The following SH3RF3 variants were observed in gnomAD, a reference collection of about 807,000 sequenced individuals.
SH3RF3 encodes the protein SH3 domain containing ring finger 3.
A neutral mutation model predicts 66.3 loss-of-function variants in SH3RF3; 29 were observed. That is an observed-to-expected ratio of 0.44 (90% CI 0.33 to 0.60). The LOEUF (loss-of-function observed/expected upper bound fraction) is 0.60, where lower values mean the gene tolerates loss of function less well. Among genes scored for constraint, SH3RF3 ranks in the 20% least tolerant of loss-of-function variants. The pLI is 0.04. For synonymous variants in SH3RF3, 583 were observed against 532.0 expected, an observed-to-expected ratio of 1.10 and a Z score of -1.32; for missense variants, 1,194 against 1,190.9, an observed-to-expected ratio of 1.00 and a Z score of -0.04.
chr2:109,365,105 A>G (rs1683130401), intron 2 of SH3RF3, among the ~76,000 whole-genome samples: 1 of 152,072 alleles, frequency 6.6e-6, no homozygotes, highest in Non-Finnish European at 1.5e-5. Flanking sequence ...GGCTGTGGTT[A>G]ACTAGTTTAT....
chr2:109,330,505 G>T (rs915157509), intron 1 of SH3RF3, among the ~76,000 whole-genome samples: 3 of 152,176 alleles, frequency 2.0e-5, no homozygotes, highest in African/African-American at 7.2e-5. Context: ...GGGGCAGGGG[G>T]TGTCCCCCCT....
At chr2:109,286,456 G>C (rs1681032424) in intron 1 of SH3RF3, among the ~76,000 whole-genome samples, 1 of 152,162 alleles carries the variant, frequency 6.6e-6, no homozygotes, top group South Asian at 2.1e-4. Flanking sequence ...CTCAGCACAT[G>C]CTCTCTCAGC....
At position 109,371,577 on chromosome 2, in the gene SH3RF3, G is replaced by A. The variant is rs764329368; in HGVS notation, c.850-9G>A. 2 of 1,613,564 alleles carry A rather than the reference G, an allele frequency of 1.2e-6. No homozygotes were observed. The highest frequency in any genetic ancestry group is 1.3e-5 in the African/African-American group (1 of 75,032). The stretch of plus-strand genomic sequence containing the variant: ...TATGCTTGTGTCCACGGTGGACCCG[G>A]AACTGCAGGACGAGATTCTGACGGT... On this transcript the variant is annotated splice_polypyrimidine_tract_variant and intron_variant, in intron 2 of 9. Coordinates refer to ENST00000309415, the MANE Select transcript of SH3RF3 (RefSeq NM_001099289.3).
intron 1 of SH3RF3, among the ~76,000 whole-genome samples, chr2:109,347,211 A>G (rs1241910368): frequency 6.6e-6 from 1 of 152,202 alleles, no homozygotes; most frequent in Non-Finnish European, 1.5e-5. Context: ...TCCCTGAGAA[A>G]TAGGAGCCAG....
intron 3 of SH3RF3, among the ~76,000 whole-genome samples, chr2:109,380,020 T>C (rs1683477834): frequency 6.6e-6 from 1 of 152,180 alleles, no homozygotes; most frequent in Middle Eastern, 3.4e-3. Flanking sequence ...AAGAAATAAA[T>C]GAGTGTAAAG....
intron 1 of SH3RF3, among the ~76,000 whole-genome samples, chr2:109,326,116 C>G (rs535512477): frequency 1.3e-5 from 2 of 152,212 alleles, no homozygotes; most frequent in African/African-American, 4.8e-5. Flanking sequence ...AGGACACACA[C>G]GTATGTGGGT....
chr2:109,138,193 A>T (rs1676858483), intron 1 of SH3RF3, among the ~76,000 whole-genome samples: 1 of 152,070 alleles, frequency 6.6e-6, no homozygotes, highest in Non-Finnish European at 1.5e-5. Flanking sequence ...CGCCCGGCTA[A>T]TTTTTTAATA....
chr2:109,281,592 C>A (rs917707622), intron 1 of SH3RF3, among the ~76,000 whole-genome samples: 1 of 152,240 alleles, frequency 6.6e-6, no homozygotes, highest in East Asian at 1.9e-4. Context: ...CCTCTGGGAT[C>A]GAGCTCCAGG....
intron 1 of SH3RF3, among the ~76,000 whole-genome samples, chr2:109,265,816 G>T (rs780873003): frequency 6.6e-6 from 1 of 152,224 alleles, no homozygotes; most frequent in Non-Finnish European, 1.5e-5. Flanking sequence ...AGGGCAGAGA[G>T]AAATAATGAG....
chr2:109,429,776 C>A (rs1209016981), intron 5 of SH3RF3, among the ~76,000 whole-genome samples: 1 of 152,202 alleles, frequency 6.6e-6, no homozygotes. Context: ...GCAAGAAGGC[C>A]ACAGACAGCC....
Position 109,361,748 on chromosome 2 carries a change from A to G in SH3RF3, c.850-9838A>G, listed in dbSNP as rs373257680. ...ACCTCAGCCTCCCAAAGTGTTATTC[A>G]GTTTCTTTAATAGATAAAGGCCTAT... On this transcript the variant is annotated intron_variant, in intron 2 of 9. Coordinates refer to ENST00000309415, the MANE Select transcript of SH3RF3 (RefSeq NM_001099289.3). Among the ~76,000 whole-genome samples, 6 of 152,256 alleles carry G rather than the reference A, an allele frequency of 3.9e-5. No individual in the cohort carries two copies. The East Asian group carries it at 1.2e-3, about 29-fold the overall frequency.
chr2:109,359,171 C>A (rs1038087414), intron 2 of SH3RF3, among the ~76,000 whole-genome samples: 36 of 152,148 alleles, frequency 2.4e-4, no homozygotes, highest in African/African-American at 8.2e-4. Flanking sequence ...AGACTGTCTT[C>A]ATTATTGTAA....
intron 1 of SH3RF3, among the ~76,000 whole-genome samples, chr2:109,190,594 C>T (rs534996380): frequency 6.6e-6 from 1 of 152,304 alleles, no homozygotes. Flanking sequence ...GGGTAAATTA[C>T]CACACTCCCA....
Position 109,228,123 on chromosome 2 carries a change from T to C in SH3RF3, c.573+98010T>C, listed in dbSNP as rs184769875. 6.6e-5 allele frequency among the ~76,000 whole-genome samples: 10 copies of C among 152,330 alleles called. No homozygotes were observed. The East Asian group carries it at 1.9e-3, about 29-fold the overall frequency. On this transcript the variant is annotated intron_variant, in intron 1 of 9. Transcript: ENST00000309415. ...ACACATACAGGCAATCTCTAATGGC[T>C]GTGTTTTCATGCTGCAAATGATGTA...
At chr2:109,362,054 A>G (rs1340983808) in intron 2 of SH3RF3, among the ~76,000 whole-genome samples, 3 of 151,306 alleles carry the variant, frequency 2.0e-5, no homozygotes, top group African/African-American at 7.3e-5. Flanking sequence ...ATTTTTCTCT[A>G]TTGTTTTCAA....
intron 9 of SH3RF3, among the ~76,000 whole-genome samples, chr2:109,497,564 A>G (rs997821439): frequency 7.2e-5 from 11 of 152,160 alleles, no homozygotes; most frequent in African/African-American, 2.7e-4. Context: ...TTTATGACGC[A>G]CAGTTGTGAC....
chr2:109,410,929 C>T (rs1676572462), intron 4 of SH3RF3, among the ~76,000 whole-genome samples: 1 of 152,288 alleles, frequency 6.6e-6, no homozygotes, highest in South Asian at 2.1e-4. Flanking sequence ...CTCAAAGGCA[C>T]CTGGAGCTCT....
rs539620344 is a variant in SH3RF3 at position 109,496,611 on chromosome 2, G to A, written c.2481-4892G>A. 1.9e-4 allele frequency among the ~76,000 whole-genome samples: 29 copies of A among 152,288 alleles called. No homozygotes were observed. In the East Asian group the frequency reaches 3.5e-3, roughly 18 times the overall value. On this transcript the variant is annotated intron_variant, in intron 9 of 9. Coordinates refer to ENST00000309415, the MANE Select transcript of SH3RF3 (RefSeq NM_001099289.3). Reference sequence around the variant, plus strand: ...CTGCTTCTCCCCAGATGTTCACATCGGATCAGCTCATCCTCAGCTCTTGAT... The same window carrying A: ...CTGCTTCTCCCCAGATGTTCACATCAGATCAGCTCATCCTCAGCTCTTGAT...
chr2:109,319,475 A>C (rs943954519), intron 1 of SH3RF3, among the ~76,000 whole-genome samples: 2 of 151,926 alleles, frequency 1.3e-5, no homozygotes, highest in Non-Finnish European at 2.9e-5. Flanking sequence ...TTACTCTTGC[A>C]CTTCTGCTGG....
Sources: allele counts gnomAD v4.1 joint callset (sites outside exome capture counted in the v4.1 genomes callset), GRCh38; gene constraint gnomAD v4.1.1; transcripts MANE v1.5; gene names NCBI Gene and HGNC (gene_info 2026-07-23, HGNC 2026-07-21).